Variants in SDCCAG8 observed in about 807,000 individuals in gnomAD.
SDCCAG8 encodes SHH signaling and ciliogenesis regulator SDCCAG8.
SDCCAG8 carries 74 observed loss-of-function variants against 101.8 expected under a neutral mutation model. That is an observed-to-expected ratio of 0.73 (90% CI 0.60 to 0.88). The LOEUF is 0.88. SDCCAG8 is among the 40% of genes least tolerant of loss of function. The pLI is 0.00. For missense variants in SDCCAG8, 787 were observed against 822.6 expected (o/e 0.96, Z 0.53); for synonymous variants, 281 against 292.9 (o/e 0.96, Z 0.41).
At chr1:243,304,156 A>G (rs2071843261) in intron 6 of SDCCAG8, among the ~76,000 whole-genome samples, 1 of 152,118 alleles carries the variant, frequency 6.6e-6, no homozygotes. Flanking sequence ...GTCAACTGTA[A>G]TTGAAATTCT....
At chr1:243,375,060 T>A (rs896236884) in intron 12 of SDCCAG8, among the ~76,000 whole-genome samples, 1 of 152,170 alleles carries the variant, frequency 6.6e-6, no homozygotes, top group African/African-American at 2.4e-5. Context: ...AAATTTTTCA[T>A]AATCATTATA....
chr1:243,281,425 C>G (rs992372856), intron 4 of SDCCAG8, among the ~76,000 whole-genome samples: 6 of 151,322 alleles, frequency 4.0e-5, no homozygotes. Flanking sequence ...TATGAGCCAC[C>G]TTGCCCAGTT....
intron 4 of SDCCAG8, among the ~76,000 whole-genome samples, chr1:243,279,656 T>A (rs1002876729): frequency 1.6e-4 from 25 of 152,358 alleles, no homozygotes; most frequent in African/African-American, 5.8e-4. Context: ...GCCTCTACTG[T>A]TAAAATTATG....
At position 243,372,956 on chromosome 1, in the gene SDCCAG8, A is replaced by ATC. The variant is rs546306555; in HGVS notation, c.1474-5764_1474-5763insCT. ...TCTATATCTATATCTATATCTATCT[A>ATC]TATATATATCTTAATATATATATAA... On this transcript the variant is annotated intron_variant, in intron 12 of 17. Transcript: ENST00000366541. 5.6e-3 allele frequency among the ~76,000 whole-genome samples: 793 copies of ATC among 141,282 alleles called. 9 individuals are homozygous for ATC. Among genetic ancestry groups the ATC allele is most frequent in the African/African-American group, 0.019 (761 of 39,450 alleles). 92.7% of individuals were successfully genotyped at this position (141,282 alleles called of 152,430 possible). A position where few individuals can be genotyped will look rare whatever the true frequency, so the allele number is the denominator to read the frequency against.
intron 8 of SDCCAG8, among the ~76,000 whole-genome samples, chr1:243,315,680 C>T (rs547694927): frequency 6.6e-6 from 1 of 152,140 alleles, no homozygotes; most frequent in Admixed American, 6.5e-5. Context: ...GAAAGTAATT[C>T]AAGCAGAGTT....
intron 16 of SDCCAG8, among the ~76,000 whole-genome samples, chr1:243,455,789 A>G (rs1238332195): frequency 6.6e-6 from 1 of 152,276 alleles, no homozygotes; most frequent in South Asian, 2.1e-4. Context: ...ATAATTCATT[A>G]TAGTAAGTTC....
At chr1:243,496,758 C>A (rs535143950) in intron 17 of SDCCAG8, among the ~76,000 whole-genome samples, 6 of 152,322 alleles carry the variant, frequency 3.9e-5, no homozygotes, top group African/African-American at 1.4e-4. Flanking sequence ...TTCAGGTCAC[C>A]CAGAGCAACT....
intron 16 of SDCCAG8, among the ~76,000 whole-genome samples, chr1:243,434,121 G>C (rs2148066800): frequency 6.6e-6 from 1 of 152,292 alleles, no homozygotes; most frequent in African/African-American, 2.4e-5. Context: ...AATTTAGTTT[G>C]TTTTGGATTG....
In SDCCAG8 at chr1:243,474,830, C is replaced by T. The variant is rs570778260; in HGVS notation, c.1986-14184C>T. On this transcript the variant is annotated intron_variant, in intron 16 of 17. Coordinates refer to ENST00000366541, the MANE Select transcript of SDCCAG8 (RefSeq NM_006642.5). The surrounding 1 kb of genome is among the most constrained non-coding windows in gnomAD (Gnocchi z 4.7). The stretch of plus-strand genomic sequence containing the variant: ...CCTGAACGTGCACAGCCGCTCCTAA[C>T]TCCGTCAACGGAATTTCACTCAACT... 8.1e-4 allele frequency among the ~76,000 whole-genome samples: 124 copies of T among 152,370 alleles called. No homozygotes were observed. Among genetic ancestry groups the T allele is most frequent in the African/African-American group, 2.9e-3 (121 of 41,594 alleles).
At chr1:243,380,223 T>C (rs1428915627) in intron 13 of SDCCAG8, among the ~76,000 whole-genome samples, 1 of 152,262 alleles carries the variant, frequency 6.6e-6, no homozygotes, top group Non-Finnish European at 1.5e-5. Context: ...GTTCTTTTAA[T>C]GCTCATTTAA....
chr1:243,388,827 C>T (rs1236286254), intron 13 of SDCCAG8, among the ~76,000 whole-genome samples: 11 of 149,592 alleles, frequency 7.4e-5, no homozygotes, highest in Non-Finnish European at 1.5e-4. Context: ...CGTGGTGGTG[C>T]GTGCCTGGGT....
intron 13 of SDCCAG8, among the ~76,000 whole-genome samples, chr1:243,379,475 A>G (rs2077806124): frequency 6.6e-6 from 1 of 152,216 alleles, no homozygotes; most frequent in South Asian, 2.1e-4. Context: ...GTAAATATGT[A>G]GCTCGGCCCT....
chr1:243,441,319 C>T (rs910510334), intron 16 of SDCCAG8, among the ~76,000 whole-genome samples: 6 of 152,170 alleles, frequency 3.9e-5, no homozygotes, highest in African/African-American at 7.2e-5. Context: ...AGATGCCAAA[C>T]GTGCTGTTCA....
intron 6 of SDCCAG8, 149 bp from the exon 7 acceptor site, chr1:243,304,564 A>T: frequency 3.3e-6 from 2 of 607,012 alleles, no homozygotes; most frequent in Non-Finnish European, 3.0e-6. Flanking sequence ...AGAAAAATTC[A>T]AGTGGACTAG....
intron 13 of SDCCAG8, among the ~76,000 whole-genome samples, chr1:243,408,585 A>C (rs1017019872): frequency 7.2e-5 from 11 of 152,144 alleles, no homozygotes; most frequent in Non-Finnish European, 1.0e-4. Flanking sequence ...TGAAATAGAC[A>C]CTTGTTATCC....
At chr1:243,286,457 C>T (rs2069627051) in intron 5 of SDCCAG8, 60 bp downstream of exon 5, 1 of 1,572,250 alleles carries the variant, frequency 6.4e-7, no homozygotes, top group Non-Finnish European at 8.7e-7. Flanking sequence ...TCTGCCCTCT[C>T]TCCTCGCCTT....
At chr1:243,452,322 C>T (rs1302834529) in intron 16 of SDCCAG8, among the ~76,000 whole-genome samples, 1 of 152,038 alleles carries the variant, frequency 6.6e-6, no homozygotes, top group African/African-American at 2.4e-5. Context: ...TGTTACCTCC[C>T]CTAGTAACCC....
At position 243,288,203 on chromosome 1, in the gene SDCCAG8, G is replaced by A. The variant is rs79715268; in HGVS notation, c.546+1806G>A. On this transcript the variant is annotated intron_variant, in intron 5 of 17. Transcript: ENST00000366541. ...TTCAAGGCCAGATACAGTGTCTTAC[G>A]CATGTAATTTCAGCAGTTTGGAAGG... 3.6e-3 allele frequency among the ~76,000 whole-genome samples: 549 copies of A among 152,182 alleles called. 2 individuals carry two copies. Among genetic ancestry groups the A allele is most frequent in the African/African-American group, 0.012 (517 of 41,498 alleles).
intron 13 of SDCCAG8, among the ~76,000 whole-genome samples, chr1:243,398,954 C>A (rs191153874): frequency 6.6e-6 from 1 of 152,242 alleles, no homozygotes; most frequent in African/African-American, 2.4e-5. Context: ...GTTCTAGCTG[C>A]ACTAGGCACT....
Sources: gnomAD v4.1 joint callset for allele counts (sites outside exome capture counted in the v4.1 genomes callset) on GRCh38, gnomAD v4.1.1 for gene constraint, Gnocchi (gnomAD v3.1) non-coding constraint, MANE v1.5 for transcripts, NCBI Gene and HGNC (gene_info 2026-07-23, HGNC 2026-07-21) for gene names.